Variants in B3GALT1 observed in about 807,000 individuals in gnomAD.
The protein encoded by B3GALT1 is beta-1,3-galactosyltransferase 1, also known as UDP-Gal:betaGlcNAc beta 1,3-galactosyltransferase, polypeptide 1.
In B3GALT1, 10 loss-of-function variants were observed where a neutral mutation model predicts 23.2. The observed-to-expected ratio is 0.43, with a 90% CI of 0.27 to 0.73. The LOEUF (loss-of-function observed/expected upper bound fraction) is 0.73. Among genes scored for constraint, B3GALT1 ranks in the 30% least tolerant of loss-of-function variants. The probability of loss-of-function intolerance (pLI) is 0.21; values close to 1 mark genes in which losing one functional copy is unlikely to be tolerated. For missense variants in B3GALT1, 299 were observed against 405.4 expected, an observed-to-expected ratio of 0.74 and a Z score of 2.25; for synonymous variants, 156 against 141.5, an observed-to-expected ratio of 1.10 and a Z score of -0.73.
At chr2:167,527,263 C>T (rs1049928841) in intron 2 of B3GALT1, among the ~76,000 whole-genome samples, 10 of 151,880 alleles carry the variant, frequency 6.6e-5, no homozygotes, top group Admixed American at 2.6e-4. Flanking sequence ...TTAAGTTGCC[C>T]GTCTCACACC....
At chr2:167,420,921 AAAGT>A (rs1240763186) in intron 1 of B3GALT1, among the ~76,000 whole-genome samples, 17 of 152,222 alleles carry the variant, frequency 1.1e-4, no homozygotes, top group Admixed American at 1.3e-4. Context: ...AATATTATCA[AAAGT>A]AAGTAGCTAA....
intron 3 of B3GALT1, among the ~76,000 whole-genome samples, chr2:167,696,735 A>G (rs1281941539): frequency 6.6e-6 from 1 of 152,196 alleles, no homozygotes; most frequent in East Asian, 1.9e-4. Flanking sequence ...CATGATGTAA[A>G]TGGTAACATA....
At chr2:167,840,412 A>G (rs984225828) in intron 4 of B3GALT1, among the ~76,000 whole-genome samples, 1 of 152,112 alleles carries the variant, frequency 6.6e-6, no homozygotes, top group African/African-American at 2.4e-5. Context: ...GCAGCCAAAA[A>G]ACACATGAAA....
chr2:167,825,161 TG>T (rs1322154842), intron 4 of B3GALT1, among the ~76,000 whole-genome samples: 1 of 151,508 alleles, frequency 6.6e-6, no homozygotes, highest in Non-Finnish European at 1.5e-5. Context: ...GGCGGGCACC[TG>T]TAGTCCAGCT....
At chr2:167,625,460 A>T (rs1255741060) in intron 2 of B3GALT1, among the ~76,000 whole-genome samples, 1 of 151,886 alleles carries the variant, frequency 6.6e-6, no homozygotes, top group African/African-American at 2.4e-5. Context: ...ACAAACAGGT[A>T]TGTGTCCTAT....
chr2:167,678,571 T>C (rs1686470049), intron 3 of B3GALT1, among the ~76,000 whole-genome samples: 1 of 140,816 alleles, frequency 7.1e-6, no homozygotes, highest in Admixed American at 7.7e-5. Context: ...AGAAATGCTG[T>C]TGAAAAAAAT....
At chr2:167,631,449 C>G (rs1011881207) in intron 2 of B3GALT1, 1 of 151,788 alleles carries the variant, frequency 6.6e-6, no homozygotes, top group Non-Finnish European at 1.5e-5. Flanking sequence ...AGATTTTTGT[C>G]TAGCAGGATA....
chr2:167,501,481 A>T (rs1051825259), intron 2 of B3GALT1, among the ~76,000 whole-genome samples: 4 of 151,848 alleles, frequency 2.6e-5, no homozygotes, highest in African/African-American at 7.2e-5. Context: ...TATGCTTTTT[A>T]AAAAAATTTC....
intron 1 of B3GALT1, among the ~76,000 whole-genome samples, chr2:167,479,869 T>G (rs1055638867): frequency 3.9e-5 from 6 of 152,030 alleles, no homozygotes; most frequent in African/African-American, 1.4e-4. Context: ...TCAAATAGTT[T>G]TGTGGGCAGA....
intron 3 of B3GALT1, among the ~76,000 whole-genome samples, chr2:167,800,043 G>A (rs1386706824): frequency 6.6e-6 from 1 of 152,048 alleles, no homozygotes; most frequent in African/African-American, 2.4e-5. Flanking sequence ...TATCTGTTTT[G>A]TACACTAACT....
intron 1 of B3GALT1, among the ~76,000 whole-genome samples, chr2:167,421,771 A>G (rs920328917): frequency 2.0e-5 from 3 of 152,232 alleles, no homozygotes; most frequent in Non-Finnish European, 4.4e-5. Context: ...ATGTTGGCTC[A>G]TCAACCTCTG....
At chr2:167,484,697 A>AT in intron 1 of B3GALT1, among the ~76,000 whole-genome samples, 1 of 152,190 alleles carries the variant, frequency 6.6e-6, no homozygotes, top group Admixed American at 6.5e-5. Flanking sequence ...GGCTACCCTT[A>AT]GAGGCAATAG....
intron 3 of B3GALT1, among the ~76,000 whole-genome samples, chr2:167,708,513 T>A (rs927034422): frequency 4.6e-5 from 7 of 152,210 alleles, no homozygotes; most frequent in Middle Eastern, 3.4e-3. Flanking sequence ...ATACAAAAAA[T>A]TAGCCGGCAC....
intron 1 of B3GALT1, among the ~76,000 whole-genome samples, chr2:167,452,374 T>A (rs1462223621): frequency 6.6e-6 from 1 of 152,192 alleles, no homozygotes; most frequent in African/African-American, 2.4e-5. Flanking sequence ...AGTCTCTTCC[T>A]GCTGCTTCTT....
intron 1 of B3GALT1, among the ~76,000 whole-genome samples, chr2:167,309,872 T>C (rs900604233): frequency 6.6e-6 from 1 of 152,088 alleles, no homozygotes; most frequent in African/African-American, 2.4e-5. Context: ...TAAATGGTAT[T>C]GTCCAAAACA....
intron 4 of B3GALT1, among the ~76,000 whole-genome samples, chr2:167,840,377 A>G (rs1478816390): frequency 1.3e-5 from 2 of 152,174 alleles, no homozygotes; most frequent in Non-Finnish European, 2.9e-5. Context: ...ACATGAACAG[A>G]CACTTCTCAA....
chr2:167,322,631 A>G (rs1696832324), intron 1 of B3GALT1, among the ~76,000 whole-genome samples: 1 of 152,018 alleles, frequency 6.6e-6, no homozygotes, highest in Non-Finnish European at 1.5e-5. Context: ...GGGAATGAAT[A>G]AGAGATTCTG....
Position 167,385,493 on chromosome 2 carries a change from A to AC in B3GALT1, c.-511+92159_-511+92160insC, listed in dbSNP as rs1433677302. 3.6e-3 allele frequency among the ~76,000 whole-genome samples: 544 copies of AC among 152,260 alleles called. 1 individual carries two copies. The highest frequency in any genetic ancestry group is 0.017 in the Middle Eastern group (5 of 294). On this transcript the variant is annotated intron_variant, in intron 1 of 4. Transcript: ENST00000392690. ...ACCCATTACTTGGTACATGCTCAGT[A>AC]AATATTTGAATTTATTGTATGTACA...
At chr2:167,389,209 A>G (rs960486962) in intron 1 of B3GALT1, among the ~76,000 whole-genome samples, 6 of 152,312 alleles carry the variant, frequency 3.9e-5, no homozygotes, top group Admixed American at 3.3e-4. Context: ...ATTTTTTCCC[A>G]TAGCCAGAAG....
Sources: allele counts gnomAD v4.1 joint callset (sites outside exome capture counted in the v4.1 genomes callset), GRCh38; gene constraint gnomAD v4.1.1; transcripts MANE v1.5; gene names NCBI Gene and HGNC (gene_info 2026-07-23, HGNC 2026-07-21).